SLC24A3: variants seen among roughly 807,000 people sequenced by gnomAD.
SLC24A3 encodes sodium/potassium/calcium exchanger 3.
In SLC24A3, 28 loss-of-function variants were observed where a neutral mutation model predicts 75.8. The observed-to-expected ratio is 0.37, with a 90% confidence interval of 0.27 to 0.51. SLC24A3 has a LOEUF of 0.51. Ranked by LOEUF, SLC24A3 falls within the 20% of genes least tolerant of loss-of-function variation. The pLI, the probability that SLC24A3 is intolerant of heterozygous loss-of-function variation, is 0.94. For synonymous variants in SLC24A3, 372 were observed against 334.1 expected, an observed-to-expected ratio of 1.11 and a Z score of -1.24; for missense variants, 663 against 847.8, an observed-to-expected ratio of 0.78 and a Z score of 2.71.
At chr20:19,472,839 G>T (rs1987897258) in intron 2 of SLC24A3, among the ~76,000 whole-genome samples, 1 of 152,318 alleles carries the variant, frequency 6.6e-6, no homozygotes, top group East Asian at 1.9e-4. Flanking sequence ...TCACACCCTT[G>T]GGCATGCGGA....
At chr20:19,481,668 C>A (rs1168035672) in intron 2 of SLC24A3, among the ~76,000 whole-genome samples, 2 of 152,060 alleles carry the variant, frequency 1.3e-5, no homozygotes, top group East Asian at 1.9e-4. Flanking sequence ...GTTGGCAGGA[C>A]AGCTGGGGAA....
intron 1 of SLC24A3, among the ~76,000 whole-genome samples, chr20:19,245,659 T>A (rs1404256877): frequency 6.6e-6 from 1 of 152,140 alleles, no homozygotes; most frequent in Non-Finnish European, 1.5e-5. Flanking sequence ...ACCATTGGAT[T>A]AGGTTGGATA....
At chr20:19,390,273 C>T (rs1382238528) in intron 2 of SLC24A3, among the ~76,000 whole-genome samples, 1 of 152,076 alleles carries the variant, frequency 6.6e-6, no homozygotes, top group African/African-American at 2.4e-5. Context: ...GTCATGTTTC[C>T]CTGATTATTT....
chr20:19,596,984 A>C (rs767398918), intron 6 of SLC24A3, among the ~76,000 whole-genome samples: 1 of 152,194 alleles, frequency 6.6e-6, no homozygotes, highest in Non-Finnish European at 1.5e-5. Flanking sequence ...TATCATTAGC[A>C]TGTCTTTATT....
At chr20:19,714,079 G>T (rs990886354) in intron 15 of SLC24A3, among the ~76,000 whole-genome samples, 9 of 152,186 alleles carry the variant, frequency 5.9e-5, no homozygotes, top group Non-Finnish European at 1.2e-4. Flanking sequence ...ATAAATGAAT[G>T]AACTGAGTTC....
chr20:19,470,792 CAT>C (rs1293865677), intron 2 of SLC24A3, among the ~76,000 whole-genome samples: 1 of 152,206 alleles, frequency 6.6e-6, no homozygotes, highest in African/African-American at 2.4e-5. Flanking sequence ...TCCCCACTCA[CAT>C]GTTAGTGATG....
At chr20:19,423,647 G>C (rs1219595335) in intron 2 of SLC24A3, among the ~76,000 whole-genome samples, 1 of 152,154 alleles carries the variant, frequency 6.6e-6, no homozygotes, top group African/African-American at 2.4e-5. Flanking sequence ...TCCAGAGCTT[G>C]AGCAAAGGCA....
intron 2 of SLC24A3, among the ~76,000 whole-genome samples, chr20:19,344,743 C>T (rs1262697584): frequency 6.6e-6 from 1 of 152,190 alleles, no homozygotes; most frequent in Non-Finnish European, 1.5e-5. Context: ...AACTCCCCAG[C>T]ACTCCTGGCT....
chr20:19,274,170 G>A (rs1017845173), intron 1 of SLC24A3, among the ~76,000 whole-genome samples: 2 of 151,094 alleles, frequency 1.3e-5, no homozygotes, highest in African/African-American at 4.9e-5. Flanking sequence ...TACATCCAGT[G>A]TAAGAGTTGA....
intron 1 of SLC24A3, among the ~76,000 whole-genome samples, chr20:19,259,707 T>A (rs1251801919): frequency 6.6e-6 from 1 of 152,214 alleles, no homozygotes; most frequent in Non-Finnish European, 1.5e-5. Flanking sequence ...TTGGAAACAT[T>A]GTTTCTCCCC....
chr20:19,353,470 A>G (rs916586576), intron 2 of SLC24A3, among the ~76,000 whole-genome samples: 2 of 152,228 alleles, frequency 1.3e-5, no homozygotes, highest in Non-Finnish European at 2.9e-5. Context: ...TCATCAGATT[A>G]CATCCTAGAA....
chr20:19,367,020 G>A (rs1030979300), intron 2 of SLC24A3, among the ~76,000 whole-genome samples: 6 of 152,208 alleles, frequency 3.9e-5, no homozygotes, highest in African/African-American at 7.2e-5. Flanking sequence ...TTGTGATGGC[G>A]GAAATATTCT....
At chr20:19,397,565 T>A (rs562074459) in intron 2 of SLC24A3, among the ~76,000 whole-genome samples, 18 of 152,184 alleles carry the variant, frequency 1.2e-4, no homozygotes, top group Non-Finnish European at 2.1e-4. Flanking sequence ...TTTCCATATC[T>A]CTTATTTCAT....
intron 6 of SLC24A3, among the ~76,000 whole-genome samples, chr20:19,603,986 G>A (rs191930871): frequency 6.6e-5 from 10 of 152,316 alleles, no homozygotes; most frequent in Admixed American, 2.0e-4. Flanking sequence ...ATGAAAGGCA[G>A]CAGAGATGTC....
At chr20:19,305,442 G>A (rs1984301655) in intron 2 of SLC24A3, among the ~76,000 whole-genome samples, 2 of 151,928 alleles carry the variant, frequency 1.3e-5, no homozygotes, top group South Asian at 2.1e-4. Context: ...TGAATGCTAC[G>A]CCCTGACGGA....
chr20:19,443,904 T>C (rs1017335710), intron 2 of SLC24A3, among the ~76,000 whole-genome samples: 2 of 152,206 alleles, frequency 1.3e-5, no homozygotes, highest in Non-Finnish European at 1.5e-5. Context: ...CAGCCCATAA[T>C]GTGGAGAAAG....
chr20:19,513,131 T>C (rs1352598639), intron 2 of SLC24A3, among the ~76,000 whole-genome samples: 1 of 152,176 alleles, frequency 6.6e-6, no homozygotes, highest in Non-Finnish European at 1.5e-5. Context: ...AGCCTATTGC[T>C]TCTCCTCCAG....
At chr20:19,717,039 T>G (rs1054019874) in intron 15 of SLC24A3, among the ~76,000 whole-genome samples, 1 of 152,246 alleles carries the variant, frequency 6.6e-6, no homozygotes, top group Admixed American at 6.5e-5. Flanking sequence ...CTCCTCCACT[T>G]CTTCCCATCA....
Position 19,419,840 on chromosome 20 carries a change from TA to T in SLC24A3, c.272-95647del, listed in dbSNP as rs749463039. Among the ~76,000 whole-genome samples, 106 of 144,890 alleles carry T rather than the reference TA, an allele frequency of 7.3e-4. 3 individuals carry two copies. The East Asian group carries it at 0.016, about 22-fold the overall frequency. On this transcript the variant is annotated intron_variant, in intron 2 of 16. Transcript: ENST00000328041. ...CAGCCAAGTTTTTTTTTTTTTTTTT[TA>T]TTATACTCTAAGTTTTAGGGTACAT...
Sources: allele counts gnomAD v4.1 joint callset (sites outside exome capture counted in the v4.1 genomes callset), GRCh38; gene constraint gnomAD v4.1.1; transcripts MANE v1.5; gene names NCBI Gene and HGNC (gene_info 2026-07-23, HGNC 2026-07-21).